Variants in UBE2V2 observed in about 807,000 individuals in gnomAD.
UBE2V2 encodes ubiquitin-conjugating enzyme E2 variant 2.
In UBE2V2, 9 loss-of-function variants were observed where a neutral mutation model predicts 17.2. The ratio of observed to expected loss-of-function variants is 0.52; its 90% CI spans 0.32 to 0.91. The LOEUF is 0.91. Ranked by LOEUF, UBE2V2 falls within the 40% of genes least tolerant of loss-of-function variation. The pLI is 0.04. For synonymous variants in UBE2V2, 61 were observed against 57.5 expected, an observed-to-expected ratio of 1.06 and a Z score of -0.28; for missense variants, 133 against 182.6, an observed-to-expected ratio of 0.73 and a Z score of 1.56.
intron 1 of UBE2V2, among the ~76,000 whole-genome samples, chr8:48,010,522 C>G (rs1168932108): frequency 6.6e-6 from 1 of 151,090 alleles, no homozygotes; most frequent in Non-Finnish European, 1.5e-5. Context: ...CTGCCTCAGT[C>G]TCCTGAGTAG....
intron 3 of UBE2V2, among the ~76,000 whole-genome samples, chr8:48,056,161 C>T (rs2091570425): frequency 6.6e-6 from 1 of 152,026 alleles, no homozygotes; most frequent in Admixed American, 6.6e-5. Context: ...CAAGATTTAC[C>T]CATGTTTGTA....
intron 2 of UBE2V2, among the ~76,000 whole-genome samples, chr8:48,045,182 T>C (rs2091490729): frequency 6.6e-6 from 1 of 152,182 alleles, no homozygotes; most frequent in Non-Finnish European, 1.5e-5. Context: ...AAGGTCATAA[T>C]AGCCTTTCCT....
intron 1 of UBE2V2, among the ~76,000 whole-genome samples, chr8:48,031,955 T>C (rs1360170802): frequency 6.6e-6 from 1 of 152,156 alleles, no homozygotes; most frequent in East Asian, 1.9e-4. Context: ...ATAAATTACA[T>C]TTTTTTCTGC....
rs549316347 is a variant in UBE2V2, at chr8:48,044,143, CTGATGATGATGA to C, written c.165+982_165+993del. Among the ~76,000 whole-genome samples the C allele has an allele frequency of 1.3e-4, 19 of 151,348 alleles. No homozygotes were observed. The South Asian group carries it at 3.3e-3, about 27-fold the overall frequency. ...TCTTGGGTAGAGTTTAGAGTTCCTC[CTGATGATGATGA>C]TGATGATGATGATGATGATTATTGA... On this transcript the variant is annotated intron_variant, in intron 2 of 3. Transcript: ENST00000523111.
At chr8:48,054,442 A>G (rs2091559391) in intron 3 of UBE2V2, among the ~76,000 whole-genome samples, 1 of 152,234 alleles carries the variant, frequency 6.6e-6, no homozygotes, top group Admixed American at 6.5e-5. Context: ...GGACTGGGAA[A>G]TAGAAAAATA....
Position 48,049,957 on chromosome 8 carries a change from A to T in UBE2V2, c.270A>T (p.Gly90=). 1 of 1,563,256 alleles carries T rather than the reference A, an allele frequency of 6.4e-7. No individual in the cohort carries two copies. The highest frequency in any genetic ancestry group is 8.6e-7 in the Non-Finnish European group (1 of 1,159,094). Residue 90 remains glycine (G), a synonymous_variant, in exon 3 of 4, where the codon GGA becomes GGT. Coordinates refer to ENST00000523111, the MANE Select transcript of UBE2V2 (RefSeq NM_003350.3). ...TTGTAACAAAAATTAATATGAACGG[A>T]ATAAATAATTCCAGTGGGATGGTAA... ...VRFVTKINMN[G]INNSSGMVDA...
intron 2 of UBE2V2, among the ~76,000 whole-genome samples, chr8:48,047,634 T>C (rs2091508484): frequency 6.6e-6 from 1 of 152,000 alleles, no homozygotes; most frequent in African/African-American, 2.4e-5. Context: ...CTCAGCTCAC[T>C]GCAGTTGCCA....
rs1389661676 is a variant in UBE2V2, at chr8:48,049,753, G to A, written c.166-100G>A. On this transcript the variant is annotated intron_variant, in intron 2 of 3. Transcript: ENST00000523111. ...TTCTTAATCATAAACACTGTCTTAC[G>A]TACATTCATATTGTACTTTCCCTTT... 11 of 1,073,458 alleles carry A rather than the reference G, an allele frequency of 1.0e-5. 1 individual carries two copies. The highest frequency in any genetic ancestry group is 1.5e-5 in the Non-Finnish European group (11 of 751,584). 66.5% of individuals were successfully genotyped at this position (1,073,458 alleles called of 1,614,324 possible). A position where few individuals can be genotyped will look rare whatever the true frequency, so the allele number is the denominator to read the frequency against.
chr8:48,042,293 T>C (rs545188211), intron 1 of UBE2V2: 2 of 152,304 alleles, frequency 1.3e-5, no homozygotes, highest in Non-Finnish European at 1.5e-5. Flanking sequence ...AAAAAATGTA[T>C]TATCTAAGGT....
chr8:48,056,768 G>A (rs2091574519), intron 3 of UBE2V2, among the ~76,000 whole-genome samples: 1 of 152,140 alleles, frequency 6.6e-6, no homozygotes, highest in African/African-American at 2.4e-5. Context: ...GTGCCGCCCA[G>A]GCTGGATTGC....
intron 1 of UBE2V2, among the ~76,000 whole-genome samples, chr8:48,031,742 G>A (rs1211782385): frequency 6.6e-6 from 1 of 151,904 alleles, no homozygotes; most frequent in African/African-American, 2.4e-5. Context: ...TGCAACCTCC[G>A]CCTCCCAAAT....
chr8:48,012,406 A>G, intron 1 of UBE2V2, among the ~76,000 whole-genome samples: 1 of 152,206 alleles, frequency 6.6e-6, no homozygotes, highest in East Asian at 1.9e-4. Flanking sequence ...CATTAATAAT[A>G]ACAATTAGTT....
At chr8:48,012,101 T>C (rs1490504073) in intron 1 of UBE2V2, among the ~76,000 whole-genome samples, 2 of 152,350 alleles carry the variant, frequency 1.3e-5, no homozygotes, top group East Asian at 3.9e-4. Context: ...ACCCTTAGTC[T>C]GATGCGCTCT....
chr8:48,055,731 C>G (rs2154508132), intron 3 of UBE2V2, among the ~76,000 whole-genome samples: 1 of 151,548 alleles, frequency 6.6e-6, no homozygotes, highest in South Asian at 2.1e-4. Context: ...ATCCCATCTC[C>G]CTTAGACCTA....
intron 1 of UBE2V2, among the ~76,000 whole-genome samples, chr8:48,013,361 G>T (rs1000187444): frequency 6.7e-6 from 1 of 150,152 alleles, no homozygotes; most frequent in Non-Finnish European, 1.5e-5. Flanking sequence ...AGGCTGGAGT[G>T]CAGTGGCGTG....
At chr8:48,036,811 G>T (rs2091428248) in intron 1 of UBE2V2, among the ~76,000 whole-genome samples, 1 of 152,106 alleles carries the variant, frequency 6.6e-6, no homozygotes, top group South Asian at 2.1e-4. Flanking sequence ...ATCTTTCATT[G>T]TGTGCATAGA....
At chr8:48,002,649 A>T in the UBE2V2 span, among the ~76,000 whole-genome samples, 1 of 151,814 alleles carries the variant, frequency 6.6e-6, no homozygotes, top group Non-Finnish European at 1.5e-5. Context: ...AGGGGAAAGG[A>T]AAAAGGAAAG....
chr8:48,050,353 A>C lies in UBE2V2; in HGVS notation c.291+375A>C, dbSNP rs1007840823. 5.9e-5 allele frequency: 9 copies of C among 152,718 alleles called. No homozygotes were observed. In the East Asian group the frequency reaches 7.6e-4, roughly 13 times the overall value. 9.5% of individuals were successfully genotyped at this position (152,718 alleles called of 1,614,324 possible). On this transcript the variant is annotated intron_variant, in intron 3 of 3. Transcript: ENST00000523111. Reference sequence around the variant, plus strand: ...GGCTTCAAGTGATTCTCCTGCCTCAACCTCCCGAGTAGCTGGGATTACAGG... The same window carrying C: ...GGCTTCAAGTGATTCTCCTGCCTCACCCTCCCGAGTAGCTGGGATTACAGG...
chr8:48,026,321 A>G (rs2091344787), intron 1 of UBE2V2, among the ~76,000 whole-genome samples: 1 of 152,134 alleles, frequency 6.6e-6, no homozygotes, highest in Non-Finnish European at 1.5e-5. Flanking sequence ...CTAGGATTTG[A>G]CCACACCTTT....
Sources: allele counts gnomAD v4.1 joint callset (sites outside exome capture counted in the v4.1 genomes callset), GRCh38; gene constraint gnomAD v4.1.1; transcripts MANE v1.5; gene names NCBI Gene and HGNC (gene_info 2026-07-23, HGNC 2026-07-21).